Variants in ASMTL observed in about 807,000 individuals in gnomAD.
ASMTL encodes acetylserotonin O-methyltransferase like.
A neutral mutation model predicts 60.3 loss-of-function variants in ASMTL; 57 were observed. The observed-to-expected ratio is 0.95, with a 90% CI of 0.76 to 1.18. The LOEUF is 1.18. Ranked by LOEUF, ASMTL falls within the 50% of genes most tolerant of loss-of-function variation. The pLI is 0.00. For synonymous variants in ASMTL, 419 were observed against 373.0 expected (o/e 1.12, Z -1.42); for missense variants, 981 against 852.6 (o/e 1.15, Z -1.88).
intron 7 of ASMTL, 100 bp downstream of exon 7, chrX:1,427,634 C>G: frequency 7.5e-7 from 1 of 1,330,342 alleles, no homozygotes; most frequent in Non-Finnish European, 1.0e-6. Flanking sequence ...TGACCTCAGA[C>G]TGCCAGCCTC....
chrX:1,413,801 G>A (rs2090128719), intron 11 of ASMTL: 1 of 152,394 alleles, frequency 6.6e-6, no homozygotes, highest in African/African-American at 2.4e-5. Context: ...AAGGCCACGT[G>A]GAGACGGAGG....
intron 11 of ASMTL, chrX:1,413,945 T>G (rs192776303): frequency 6.7e-6 from 1 of 148,356 alleles, no homozygotes; most frequent in Non-Finnish European, 1.5e-5. Context: ...GGTGGTGACG[T>G]CCAAAAGATC....
In ASMTL at chrX:1,425,889, G is replaced by T. The variant is rs769604737; in HGVS notation, c.898-202C>A. ...GTACACAAGGAAAAAGCACATCAACGAATATCATGCAGAAAAACTAGCCCA... is the reference window on the plus strand; with the variant it reads ...GTACACAAGGAAAAAGCACATCAACTAATATCATGCAGAAAAACTAGCCCA... On this transcript the variant is annotated intron_variant, in intron 7 of 12. Coordinates refer to ENST00000381317, the MANE Select transcript of ASMTL (RefSeq NM_004192.4). Among the ~76,000 whole-genome samples, 11 of 152,232 alleles carry T rather than the reference G, an allele frequency of 7.2e-5. No homozygotes were observed. The East Asian group carries it at 1.9e-3, about 27-fold the overall frequency.
chrX:1,449,298 A>C lies in ASMTL; in HGVS notation c.93+3450T>G, dbSNP rs191994515. Among the ~76,000 whole-genome samples the C allele has an allele frequency of 2.6e-5, 4 of 151,992 alleles. No homozygotes were observed. In the East Asian group the frequency reaches 7.7e-4, roughly 29 times the overall value. ...CTCCTCAGCGCTCCTCACCTCTTGAAGGTGCCCCCAGATCCTGGCCCTGAC... is the reference window on the plus strand; with the variant it reads ...CTCCTCAGCGCTCCTCACCTCTTGACGGTGCCCCCAGATCCTGGCCCTGAC... On this transcript the variant is annotated intron_variant, in intron 1 of 12. Transcript: ENST00000381317.
At chrX:1,410,552 T>TA (rs1338572397) in intron 12 of ASMTL, among the ~76,000 whole-genome samples, 2 of 152,108 alleles carry the variant, frequency 1.3e-5, no homozygotes, top group Non-Finnish European at 2.9e-5. Flanking sequence ...TAGCTAGAAT[T>TA]AGAGGCGTGC....
At chrX:1,424,553 CATCCATCT>C (rs1396642539) in intron 8 of ASMTL, among the ~76,000 whole-genome samples, 4 of 88,256 alleles carry the variant, frequency 4.5e-5, no homozygotes, top group African/African-American at 1.3e-4. Flanking sequence ...TCCATCCATC[CATCCATCT>C]GTCCGTCCAT....
chrX:1,423,898 A>G (rs751256976), intron 8 of ASMTL, among the ~76,000 whole-genome samples: 163 of 148,116 alleles, frequency 1.1e-3, no homozygotes, highest in Non-Finnish European at 1.8e-3. Flanking sequence ...CCACCTACCC[A>G]TCCATCTATT....
intron 3 of ASMTL, 111 bp downstream of exon 3, chrX:1,438,986 C>A: frequency 8.4e-7 from 1 of 1,192,566 alleles, no homozygotes; most frequent in South Asian, 1.3e-5. Flanking sequence ...TTTCTGGAAG[C>A]GAGTCCACTG....
rs746811344 is a variant in ASMTL, at chrX:1,422,956, T to A, written c.1061-1114A>T. Reference sequence around the variant, plus strand: ...TCATCATTATTTTCTTTCTTTTAATTTTTTAATTTTTTTTGAGATGGAGTC... The same window carrying A: ...TCATCATTATTTTCTTTCTTTTAATATTTTAATTTTTTTTGAGATGGAGTC... On this transcript the variant is annotated intron_variant, in intron 8 of 12. Transcript: ENST00000381317. Among the ~76,000 whole-genome samples, 5 of 152,190 alleles carry A rather than the reference T, an allele frequency of 3.3e-5. No individual in the cohort carries two copies. In the South Asian group the frequency reaches 1.0e-3, roughly 32 times the overall value.
At chrX:1,405,480 T>G (rs2089785337) in intron 12 of ASMTL, among the ~76,000 whole-genome samples, 1 of 149,686 alleles carries the variant, frequency 6.7e-6, no homozygotes, top group South Asian at 2.1e-4. Context: ...GGTAGATGAG[T>G]GGATAGATAG....
chrX:1,450,863 GGGT>G (rs2091353315), intron 1 of ASMTL, among the ~76,000 whole-genome samples: 1 of 140,740 alleles, frequency 7.1e-6, no homozygotes. Flanking sequence ...CCATCCCTAG[GGGT>G]CCCGGGTCAC....
chrX:1,439,280 T>A, intron 2 of ASMTL, 136 bp from the exon 3 acceptor site: 1 of 818,700 alleles, frequency 1.2e-6, no homozygotes. Flanking sequence ...CTGGGGGTGC[T>A]CAAGGTCACG....
At position 1,421,715 on chromosome X, in the gene ASMTL, T is replaced by C. The variant is rs1253068625; in HGVS notation, c.1188A>G (p.Arg396=). 3 of 1,613,786 alleles carry C rather than the reference T, an allele frequency of 1.9e-6. No individual in the cohort carries two copies. The highest frequency in any genetic ancestry group is 2.7e-5 in the African/African-American group (2 of 74,898). Residue 396 remains arginine, a synonymous_variant, in exon 9 of 13, where the codon CGA becomes CGG. Transcript: ENST00000381317. ...CCCTGTGGTGCTGGTTTGTTCCCTC[T>C]CGGATGGCAAACTCCAGGTATGTAA... ...NLFTYLEFAI[R]EGTNQHHRAL... is the part of the protein sequence containing the mutation.
At chrX:1,420,947 T>C (rs1296220601) in intron 9 of ASMTL, among the ~76,000 whole-genome samples, 2 of 141,314 alleles carry the variant, frequency 1.4e-5, no homozygotes, top group Non-Finnish European at 3.0e-5. Context: ...TAATCATACC[T>C]GGCTAATCGT....
intron 6 of ASMTL, among the ~76,000 whole-genome samples, chrX:1,430,220 C>T (rs2090732691): frequency 6.6e-6 from 1 of 152,012 alleles, no homozygotes; most frequent in Non-Finnish European, 1.5e-5. Flanking sequence ...TTGCCATATC[C>T]AGGCTGGTCT....
Position 1,403,298 on chromosome X carries a change from C to T in ASMTL, c.1837G>A (p.Ala613Thr), listed in dbSNP as rs755246663. 3 of 1,612,932 alleles carry T rather than the reference C, an allele frequency of 1.9e-6. No individual in the cohort carries two copies. Among genetic ancestry groups the T allele is most frequent in the East Asian group, 4.5e-5 (2 of 44,896 alleles). ...QVVHLGGVLD[A>T]ILATKVAP Reference sequence around the variant, plus strand: ...GGGGCCACTTTGGTGGCCAAGATGGCATCCAGGACACCCCCCAAGTGCACC... The same window carrying T: ...GGGGCCACTTTGGTGGCCAAGATGGTATCCAGGACACCCCCCAAGTGCACC... Residue 613 changes from alanine to threonine, a missense_variant, in exon 13 of 13, where the codon GCC (alanine) becomes ACC (threonine). Ala to Thr is a moderately conservative substitution (Grantham distance 58, BLOSUM62 0). Transcript: ENST00000381317.
chrX:1,403,834 A>G (rs1324188555), intron 12 of ASMTL, among the ~76,000 whole-genome samples: 1 of 152,142 alleles, frequency 6.6e-6, no homozygotes, highest in African/African-American at 2.4e-5. Flanking sequence ...GATGAGAAGG[A>G]TGGATGGATG....
chrX:1,419,109 C>T lies in ASMTL; in HGVS notation c.1251G>A (p.Ala417=), dbSNP rs372863874. Residue 417 remains alanine, a synonymous_variant, in exon 10 of 13, where the codon GCG becomes GCA. Coordinates refer to ENST00000381317, the MANE Select transcript of ASMTL (RefSeq NM_004192.4). ...GCCGCGTCTCCGGGCTCTGGTAGTACGCATCCTGGAACACAGCAGGTGCTT... is the reference window on the plus strand; with the variant it reads ...GCCGCGTCTCCGGGCTCTGGTAGTATGCATCCTGGAACACAGCAGGTGCTT... ...GKKAEDLFQD[A]YYQSPETRLR... is the part of the protein sequence containing the mutation. 1.9e-4 allele frequency: 311 copies of T among 1,611,106 alleles called. No individual in the cohort carries two copies. The highest frequency in any genetic ancestry group is 2.7e-4 in the Admixed American group (16 of 59,832).
rs201956958 is a variant in ASMTL, at chrX:1,427,952, C to T, written c.679G>A (p.Asp227Asn). 65 of 1,613,476 alleles carry T rather than the reference C, an allele frequency of 4.0e-5. No individual in the cohort carries two copies. The highest frequency in any genetic ancestry group is 6.7e-5 in the African/African-American group (5 of 75,066). Residue 227 changes from aspartate (D) to asparagine (N), a missense_variant, in exon 7 of 13, where the codon GAC (aspartate) becomes AAC (asparagine). By Grantham distance (23) the Asp-to-Asn change is conservative. Coordinates refer to ENST00000381317, the MANE Select transcript of ASMTL (RefSeq NM_004192.4). ...PEDLRRSVKH[D>N]SIPAADTFED... ...AAGGTGTCCGCGGCCGGGATGGAGT[C>T]GTGCTTGACACTCCGCCGCAGGTCC...
Sources: allele counts gnomAD v4.1 joint callset (sites outside exome capture counted in the v4.1 genomes callset), GRCh38; gene constraint gnomAD v4.1.1; transcripts MANE v1.5; gene names NCBI Gene and HGNC (gene_info 2026-07-23, HGNC 2026-07-21).